MGAM2: variants seen among roughly 807,000 people sequenced by gnomAD.
The protein encoded by MGAM2 is probable maltase-glucoamylase 2.
Under a neutral mutation model 96.1 loss-of-function variants are expected in MGAM2, and 98 were observed. That is an observed-to-expected ratio of 1.02 (90% CI 0.87 to 1.21). The LOEUF (loss-of-function observed/expected upper bound fraction) is 1.21. Among genes scored for constraint, MGAM2 ranks in the 50% most tolerant of loss-of-function variants. MGAM2 has a pLI of 0.00. For missense variants in MGAM2, 2,055 were observed against 1,182.4 expected (o/e 1.74, Z -10.82); for synonymous variants, 749 against 414.8 (o/e 1.81, Z -9.79).
chr7:142,186,976 A>G (rs1475411332), intron 35 of MGAM2, among the ~76,000 whole-genome samples: 1 of 150,642 alleles, frequency 6.6e-6, no homozygotes. Flanking sequence ...TTTTTTTCCA[A>G]TGGAGGGAAA....
At chr7:142,134,289 A>G in intron 7 of MGAM2, 137 bp downstream of exon 7, 1 of 415,016 alleles carries the variant, frequency 2.4e-6, no homozygotes, top group Non-Finnish European at 4.3e-6. Context: ...TTTGTTCTTG[A>G]GGCCTATAAA....
At chr7:142,113,496 G>T (rs537042617) in intron 1 of MGAM2, among the ~76,000 whole-genome samples, 4 of 151,764 alleles carry the variant, frequency 2.6e-5, no homozygotes, top group African/African-American at 9.6e-5. Flanking sequence ...AGAACTAACA[G>T]AATGAGAGGA....
rs1796258810 is a variant in MGAM2 at position 142,173,291 on chromosome 7, A to T, written c.3624A>T (p.Gly1208=). 1 of 703,114 alleles carries T rather than the reference A, an allele frequency of 1.4e-6. No individual in the cohort carries two copies. Among genetic ancestry groups the T allele is most frequent in the Non-Finnish European group, 2.6e-6 (1 of 384,926 alleles). 43.6% of individuals were successfully genotyped at this position (703,114 alleles called of 1,614,324 possible). A position where few individuals can be genotyped will look rare whatever the true frequency, so the allele number is the denominator to read the frequency against. Residue 1208 remains glycine (G), a synonymous_variant, in exon 31 of 48, where the codon GGA becomes GGT. Coordinates refer to ENST00000477922, the MANE Select transcript of MGAM2 (RefSeq NM_001293626.2). ...WALGFHLSRY[G]YQNDAEISSL... is the part of the protein sequence containing the mutation. ...TGGGATTCCATCTGAGTCGCTATGG[A>T]TACCAGAATGATGCTGAAATCTCCA...
intron 35 of MGAM2, among the ~76,000 whole-genome samples, chr7:142,186,811 G>A (rs1424317554): frequency 2.0e-5 from 3 of 152,266 alleles, no homozygotes; most frequent in South Asian, 2.1e-4. Flanking sequence ...GAAAACACAG[G>A]GGCCTCCCTG....
intron 14 of MGAM2, 30 bp from the exon 15 acceptor site, chr7:142,147,426 A>C: frequency 1.5e-6 from 1 of 689,334 alleles, no homozygotes; most frequent in Middle Eastern, 2.3e-4. Context: ...TTAATGAGGA[A>C]GTGCCTCACT....
intron 15 of MGAM2, among the ~76,000 whole-genome samples, chr7:142,151,279 C>T (rs1277994978): frequency 2.6e-5 from 4 of 152,032 alleles, no homozygotes; most frequent in Admixed American, 6.5e-5. Context: ...GAGACTGGGT[C>T]GGTGTTATTT....
chr7:142,167,468 A>G lies in MGAM2; in HGVS notation c.3009A>G (p.Ala1003=). 1 of 703,020 alleles carries G rather than the reference A, an allele frequency of 1.4e-6. No individual in the cohort carries two copies. The highest frequency in any genetic ancestry group is 2.6e-6 in the Non-Finnish European group (1 of 385,002). The allele number at this position is 703,020 out of a possible 1,614,324, so 43.5% of individuals were successfully genotyped here. A position where few individuals can be genotyped will look rare whatever the true frequency, so the allele number is the denominator to read the frequency against. Residue 1003 remains alanine, a synonymous_variant, in exon 26 of 48, where the codon GCA becomes GCG. Coordinates refer to ENST00000477922, the MANE Select transcript of MGAM2 (RefSeq NM_001293626.2). The stretch of plus-strand genomic sequence containing the variant: ...ACCTGAAAGTGATCTATCACACAGC[A>G]ACCATGCTGCAGGTCAAGGTAAGGC... ...FLHLKVIYHT[A]TMLQVKIYDP...
Position 142,144,892 on chromosome 7 carries a change from C to T in MGAM2, c.1463C>T (p.Ala488Val). ...EMNEVSSLLQ[A>V]SNNQCESNNL... ...AATGAAGTATCTAGCTTACTCCAAG[C>T]TTCTAATAACCAGTGTGAATCCAAC... The change falls in exon 14 of 48, where the codon GCT becomes GTT. Residue 488 changes from alanine to valine, a missense_variant. Transcript: ENST00000477922. 1 of 702,804 alleles carries T rather than the reference C, an allele frequency of 1.4e-6. No homozygotes were observed. Among genetic ancestry groups the T allele is most frequent in the South Asian group, 1.5e-5 (1 of 67,570 alleles). The allele number at this position is 702,804 out of a possible 1,614,324, so 43.5% of individuals were successfully genotyped here.
intron 6 of MGAM2, among the ~76,000 whole-genome samples, chr7:142,132,570 TTATATAATTTAATCAAC>T (rs1794925098): frequency 7.7e-6 from 1 of 130,580 alleles, no homozygotes; most frequent in African/African-American, 3.0e-5. Flanking sequence ...TCCATATACT[TTATATAATTTAATCAAC>T]TATATAATTT....
rs1172743047 is a variant in MGAM2 at position 142,131,546 on chromosome 7, A to G, written c.339A>G (p.Pro113=). Residue 113 remains proline (P), a synonymous_variant, in exon 5 of 48, where the codon CCA becomes CCG. Coordinates refer to ENST00000477922, the MANE Select transcript of MGAM2 (RefSeq NM_001293626.2). ...TTACTGCCCAGTTGAAAAGGTTGCC[A>G]TCACCATCTCTGTTTGGAAATGATG... ...TGFTAQLKRL[P]SPSLFGNDVA... 1 of 702,988 alleles carries G rather than the reference A, an allele frequency of 1.4e-6. No homozygotes were observed. The highest frequency in any genetic ancestry group is 1.7e-5 in the African/African-American group (1 of 57,370). 43.5% of individuals were successfully genotyped at this position (702,988 alleles called of 1,614,324 possible). A position where few individuals can be genotyped will look rare whatever the true frequency, so the allele number is the denominator to read the frequency against.
Position 142,220,573 on chromosome 7 carries a change from CA to C in MGAM2, c.6064del (p.Thr2022ProfsTer71). The C allele has an allele frequency of 1.4e-6, 1 of 698,530 alleles. No homozygotes were observed. Among genetic ancestry groups the C allele is most frequent in the Non-Finnish European group, 2.6e-6 (1 of 384,632 alleles). 43.3% of individuals were successfully genotyped at this position (698,530 alleles called of 1,614,324 possible). On this transcript the variant is annotated frameshift_variant, in exon 48 of 48. Transcript: ENST00000477922. LOFTEE classifies it low-confidence loss of function (END_TRUNC). ...ACTAATGCTACCCCTGTTCCTATCACAACCACACTTTTTGCAACAAGTACTA... is the reference window on the plus strand; with the variant it reads ...ACTAATGCTACCCCTGTTCCTATCACACCACACTTTTTGCAACAAGTACTA... ...ASTNATPVPI[T>X]TTLFATSTIG... is the part of the protein sequence containing the mutation.
chr7:142,191,120 A>G (rs1266225419), intron 37 of MGAM2, among the ~76,000 whole-genome samples: 1 of 131,342 alleles, frequency 7.6e-6, no homozygotes, highest in Non-Finnish European at 1.6e-5. Context: ...CAACAAAGTA[A>G]GACTATCTCT....
chr7:142,186,082 C>T lies in MGAM2; in HGVS notation c.4081C>T (p.Arg1361Ter), dbSNP rs1038932026. The change falls in exon 35 of 48, where the codon CGA (arginine) becomes TGA (stop). Residue 1361 changes from arginine (R) to a stop codon, truncating the protein, a stop_gained. Coordinates refer to ENST00000477922, the MANE Select transcript of MGAM2 (RefSeq NM_001293626.2). LOFTEE classifies it high-confidence loss of function. ...KEIEELYANP[R>*]EPEKSLKFDG... Reference sequence around the variant, plus strand: ...GATAGAAGAGCTCTATGCAAACCCTCGAGAGCCAGAGAAGAGCTTGAAGTT... The same window carrying T: ...GATAGAAGAGCTCTATGCAAACCCTTGAGAGCCAGAGAAGAGCTTGAAGTT... The T allele has an allele frequency of 2.3e-5, 16 of 705,624 alleles. No homozygotes were observed. The highest frequency in any genetic ancestry group is 1.0e-4 in the Admixed American group (5 of 49,980). The allele number at this position is 705,624 out of a possible 1,614,324, so 43.7% of individuals were successfully genotyped here. A position where few individuals can be genotyped will look rare whatever the true frequency, so the allele number is the denominator to read the frequency against.
intron 32 of MGAM2, among the ~76,000 whole-genome samples, chr7:142,182,512 G>A (rs1796574571): frequency 6.6e-6 from 1 of 152,198 alleles, no homozygotes; most frequent in Non-Finnish European, 1.5e-5. Context: ...CCTCATGGTC[G>A]TGTTTTGCTG....
intron 32 of MGAM2, among the ~76,000 whole-genome samples, chr7:142,182,303 G>A (rs10270556): frequency 0.063 from 9,552 of 152,204 alleles, 497 homozygotes; most frequent in African/African-American, 0.14. Flanking sequence ...GCACTCAGGT[G>A]GGGCAGTGGA....
chr7:142,144,050 G>T, intron 13 of MGAM2, 168 bp downstream of exon 13: 1 of 457,212 alleles, frequency 2.2e-6, no homozygotes, highest in Admixed American at 3.5e-5. Flanking sequence ...AGTGAATTAG[G>T]CTCCTAAGAG....
chr7:142,189,569 A>G (rs1180318446), intron 37 of MGAM2, 64 bp downstream of exon 37: 2 of 612,314 alleles, frequency 3.3e-6, no homozygotes, highest in Non-Finnish European at 5.8e-6. Context: ...GCCATTTCAT[A>G]TTTGCATTGT....
chr7:142,188,280 T>G (rs10226440), intron 36 of MGAM2, among the ~76,000 whole-genome samples: 59,887 of 151,934 alleles, frequency 0.39, 13,946 homozygotes, highest in African/African-American at 0.65. Flanking sequence ...AGAATGTTGG[T>G]ATCAAAAGGA....
chr7:142,180,073 G>T (rs185416977), intron 32 of MGAM2, among the ~76,000 whole-genome samples: 24 of 151,958 alleles, frequency 1.6e-4, no homozygotes, highest in Admixed American at 4.6e-4. Context: ...TTCCTTTCTG[G>T]TTCAGTCTTG....
Sources: allele counts gnomAD v4.1 joint callset (sites outside exome capture counted in the v4.1 genomes callset), GRCh38; gene constraint gnomAD v4.1.1; transcripts MANE v1.5; gene names NCBI Gene and HGNC (gene_info 2026-07-23, HGNC 2026-07-21).